Variants in PHACTR2 observed in about 807,000 individuals in gnomAD.
PHACTR2 encodes phosphatase and actin regulator 2.
A neutral mutation model predicts 76.0 loss-of-function variants in PHACTR2; 30 were observed. The ratio of observed to expected loss-of-function variants is 0.39; its 90% CI spans 0.30 to 0.54. The LOEUF is 0.54. Ranked by LOEUF, PHACTR2 falls within the 20% of genes least tolerant of loss-of-function variation. The probability of loss-of-function intolerance (pLI) is 0.61; values close to 1 mark genes in which losing one functional copy is unlikely to be tolerated. For missense variants in PHACTR2, 696 were observed against 781.1 expected (o/e 0.89, Z 1.30); for synonymous variants, 292 against 292.5 (o/e 1.00, Z 0.02).
In PHACTR2 at chr6:143,773,034, G is replaced by A. The variant is rs184874564; in HGVS notation, c.1432+577G>A. ...TCGAGACTAGCCTAGCCAACATGGC[G>A]AAGCCCTATCTTTACTAAAAATACA... On this transcript the variant is annotated intron_variant, in intron 7 of 12. Transcript: ENST00000440869. Among the ~76,000 whole-genome samples, 93 of 152,252 alleles carry A rather than the reference G, an allele frequency of 6.1e-4. 1 individual carries two copies. The East Asian group carries it at 0.016, about 26-fold the overall frequency.
Position 143,678,213 on chromosome 6 carries a change from A to C in PHACTR2, c.46+4A>C, listed in dbSNP as rs1272914450. The C allele has an allele frequency of 6.6e-7, 1 of 1,508,620 alleles. No individual in the cohort carries two copies. The highest frequency in any genetic ancestry group is 8.9e-7 in the Non-Finnish European group (1 of 1,129,290). 93.5% of individuals were successfully genotyped at this position (1,508,620 alleles called of 1,614,324 possible). On this transcript the variant is annotated splice_donor_region_variant and intron_variant, in intron 1 of 12. Coordinates refer to ENST00000440869, the MANE Select transcript of PHACTR2 (RefSeq NM_001100164.2). This position sits in a 1 kb window ranked among gnomAD's most constrained non-coding sequence, Gnocchi z 6.2. ...CTGTCCCCGCAGCCCGGCAGCGGTG[A>C]GTCCGGGGCGCACGCGATGCGCTCC...
rs1778858705 is a variant in PHACTR2, at chr6:143,738,060, T to A, written c.215-10925T>A. On this transcript the variant is annotated intron_variant, in intron 2 of 12. Coordinates refer to ENST00000440869, the MANE Select transcript of PHACTR2 (RefSeq NM_001100164.2). This position sits in a 1 kb window ranked among gnomAD's most constrained non-coding sequence, Gnocchi z 4.0. ...GGTTATCCCCACCTACCTGAGTTGG[T>A]GTTGTTTTAATATGTATTGTTCATG... 6.6e-6 allele frequency among the ~76,000 whole-genome samples: 1 copy of A among 152,238 alleles called. No homozygotes were observed. The highest frequency in any genetic ancestry group is 1.5e-5 in the Non-Finnish European group (1 of 68,032).
intron 2 of PHACTR2, among the ~76,000 whole-genome samples, chr6:143,714,948 G>A (rs1778270021): frequency 6.6e-6 from 1 of 152,126 alleles, no homozygotes; most frequent in Non-Finnish European, 1.5e-5. Flanking sequence ...AAAGCTAAGA[G>A]TACAAATGCC....
intron 11 of PHACTR2, among the ~76,000 whole-genome samples, chr6:143,799,968 A>G (rs1428814998): frequency 2.0e-5 from 3 of 152,160 alleles, no homozygotes; most frequent in Non-Finnish European, 4.4e-5. Flanking sequence ...TCTGTCCAGT[A>G]TTGACAGTGG....
intron 4 of PHACTR2, among the ~76,000 whole-genome samples, chr6:143,756,018 C>T (rs778733153): frequency 1.2e-4 from 18 of 152,018 alleles, no homozygotes; most frequent in Non-Finnish European, 2.4e-4. Flanking sequence ...GGATACAGTG[C>T]TCCCTTTCCT....
rs1009108761 is a variant in PHACTR2 at position 143,616,262 on chromosome 6, G to A, written c.13+7940G>A. Reference sequence around the variant, plus strand: ...GTGATTGAAATTGTGCCTCAGGACTGGACTTTAGAATCATAATTTCCTTTC... The same window carrying A: ...GTGATTGAAATTGTGCCTCAGGACTAGACTTTAGAATCATAATTTCCTTTC... On this transcript the variant is annotated intron_variant, in intron 1 of 11. Coordinates refer to the PHACTR2 transcript ENST00000305766. The surrounding 1 kb of genome is among the most constrained non-coding windows in gnomAD (Gnocchi z 4.9). Among the ~76,000 whole-genome samples, 8 of 152,158 alleles carry A rather than the reference G, an allele frequency of 5.3e-5. No homozygotes were observed. Among genetic ancestry groups the A allele is most frequent in the African/African-American group, 1.4e-4 (6 of 41,430 alleles).
chr6:143,620,912 A>T (rs898600443), intron 1 of PHACTR2, among the ~76,000 whole-genome samples: 6 of 152,230 alleles, frequency 3.9e-5, no homozygotes, highest in African/African-American at 1.4e-4. Context: ...AACTGTCCCC[A>T]TCAGCTATGT....
chr6:143,620,326 G>C (rs975457067), intron 1 of PHACTR2, among the ~76,000 whole-genome samples: 2 of 151,788 alleles, frequency 1.3e-5, no homozygotes, highest in Non-Finnish European at 2.9e-5. Context: ...ATGGAACCTC[G>C]AAACTACAAA....
chr6:143,669,060 G>C (rs2128450261), intron 1 of PHACTR2, among the ~76,000 whole-genome samples: 1 of 152,000 alleles, frequency 6.6e-6, no homozygotes, highest in East Asian at 1.9e-4. Context: ...CAGAGATTCT[G>C]GTGTGTTGTG....
intron 1 of PHACTR2, among the ~76,000 whole-genome samples, chr6:143,613,305 T>C (rs1442727828): frequency 6.6e-6 from 1 of 152,262 alleles, no homozygotes; most frequent in Non-Finnish European, 1.5e-5. Context: ...AGCAAAAAGT[T>C]AAAATTTGAT....
Position 143,578,444 on chromosome 6 carries a change from A to C in PHACTR2, c.217+41237A>C, listed in dbSNP as rs532972652. Reference sequence around the variant, plus strand: ...AAAGGTTGAGCATGGTAGCCATGGAAGGATGTGTAGGTTGTTCACTGCTCA... The same window carrying C: ...AAAGGTTGAGCATGGTAGCCATGGACGGATGTGTAGGTTGTTCACTGCTCA... On this transcript the variant is annotated intron_variant, in intron 1 of 11. Coordinates refer to the PHACTR2 transcript ENST00000367584. This position sits in a 1 kb window ranked among gnomAD's most constrained non-coding sequence, Gnocchi z 4.5. 6.6e-6 allele frequency among the ~76,000 whole-genome samples: 1 copy of C among 152,310 alleles called. No individual in the cohort carries two copies. The highest frequency in any genetic ancestry group is 2.4e-5 in the African/African-American group (1 of 41,586).
At position 143,683,237 on chromosome 6, in the gene PHACTR2, A is replaced by G. The variant is rs1777438520; in HGVS notation, c.46+5028A>G. On this transcript the variant is annotated intron_variant, in intron 1 of 12. Transcript: ENST00000440869. This position sits in a 1 kb window ranked among gnomAD's most constrained non-coding sequence, Gnocchi z 4.1. ...TTCATTGTGAAGTGTAGAGCATGGT[A>G]GATTGGATACAATACATTTTTGATG... Among the ~76,000 whole-genome samples, 1 of 151,976 alleles carries G rather than the reference A, an allele frequency of 6.6e-6. No homozygotes were observed. Among genetic ancestry groups the G allele is most frequent in the Non-Finnish European group, 1.5e-5 (1 of 67,960 alleles).
chr6:143,789,021 C>A lies in PHACTR2; in HGVS notation c.1845+111C>A. ...GGGGACGAGATCTTACCAAATATTA[C>A]AACAGTTTTCTGCCTCTGATTATTT... On this transcript the variant is annotated intron_variant, in intron 11 of 12. Transcript: ENST00000440869. The surrounding 1 kb of genome is among the most constrained non-coding windows in gnomAD (Gnocchi z 5.1). 1.1e-6 allele frequency: 1 copy of A among 892,148 alleles called. No homozygotes were observed. The highest frequency in any genetic ancestry group is 1.7e-6 in the Non-Finnish European group (1 of 582,046). The allele number at this position is 892,148 out of a possible 1,614,324, so 55.3% of individuals were successfully genotyped here. A position where few individuals can be genotyped will look rare whatever the true frequency, so the allele number is the denominator to read the frequency against.
At position 143,644,759 on chromosome 6, in the gene PHACTR2, G is replaced by GT. The variant is rs1230383417; in HGVS notation, c.13+36449dup. Among the ~76,000 whole-genome samples the GT allele has an allele frequency of 6.8e-3, 879 of 128,994 alleles. 4 individuals carry two copies. The highest frequency in any genetic ancestry group is 0.017 in the East Asian group (73 of 4,378). 84.6% of individuals were successfully genotyped at this position (128,994 alleles called of 152,430 possible). On this transcript the variant is annotated intron_variant, in intron 1 of 11. Coordinates refer to the PHACTR2 transcript ENST00000305766. ...AATCAATCATGGCATCTTAGGGTTT[G>GT]TTTTTTTTTTTTGCCTTTTAAGTAA... is the stretch of plus-strand genomic sequence containing the variant.
intron 2 of PHACTR2, among the ~76,000 whole-genome samples, chr6:143,746,929 A>C (rs1935496): frequency 1.3e-5 from 2 of 151,984 alleles, no homozygotes; most frequent in Non-Finnish European, 2.9e-5. Context: ...TGGAAGATAC[A>C]GGAAGAATGG....
intron 1 of PHACTR2, among the ~76,000 whole-genome samples, chr6:143,690,266 C>T (rs1285468587): frequency 2.6e-5 from 4 of 152,190 alleles, no homozygotes; most frequent in Non-Finnish European, 4.4e-5. Context: ...TCATACATAG[C>T]CTTTGTCCTC....
intron 11 of PHACTR2, among the ~76,000 whole-genome samples, chr6:143,792,567 G>A (rs961038482): frequency 6.6e-6 from 1 of 152,108 alleles, no homozygotes; most frequent in African/African-American, 2.4e-5. Flanking sequence ...GTAGGTTGGG[G>A]ATTTAGTCAG....
rs558871229 is a variant in PHACTR2, at chr6:143,725,264, G to A, written c.214+13081G>A. ...TCTCTGTCACCCAGGCTGGAGTGCAGTGGCGTGATCTCGGCAAGCTCCGCC... is the reference window on the plus strand; with the variant it reads ...TCTCTGTCACCCAGGCTGGAGTGCAATGGCGTGATCTCGGCAAGCTCCGCC... On this transcript the variant is annotated intron_variant, in intron 2 of 12. Transcript: ENST00000440869. Among the ~76,000 whole-genome samples, 13 of 131,594 alleles carry A rather than the reference G, an allele frequency of 9.9e-5. No homozygotes were observed. The South Asian group carries it at 3.4e-3, about 35-fold the overall frequency. The allele number at this position is 131,594 out of a possible 152,430, so 86.3% of individuals were successfully genotyped here.
chr6:143,577,105 A>G (rs1223497982), intron 1 of PHACTR2, among the ~76,000 whole-genome samples: 2 of 152,186 alleles, frequency 1.3e-5, no homozygotes, highest in Non-Finnish European at 2.9e-5. Context: ...GAGAAGTTGA[A>G]TGAAATGTAA....
Sources: gnomAD v4.1 joint callset for allele counts (sites outside exome capture counted in the v4.1 genomes callset) on GRCh38, gnomAD v4.1.1 for gene constraint, Gnocchi (gnomAD v3.1) non-coding constraint, MANE v1.5 for transcripts, NCBI Gene and HGNC (gene_info 2026-07-23, HGNC 2026-07-21) for gene names.